The following GALNTL6 variants were observed in gnomAD, a reference collection of about 807,000 sequenced individuals.
GALNTL6 encodes the protein polypeptide N-acetylgalactosaminyltransferase-like 6.
A neutral mutation model predicts 73.7 loss-of-function variants in GALNTL6; 46 were observed. The ratio of observed to expected loss-of-function variants is 0.62; its 90% CI spans 0.49 to 0.80. The LOEUF (loss-of-function observed/expected upper bound fraction) is 0.80, where lower values mean the gene tolerates loss of function less well. GALNTL6 is among the 30% of genes least tolerant of loss of function. GALNTL6 has a pLI of 0.00. For missense variants in GALNTL6, 604 were observed against 755.0 expected, an observed-to-expected ratio of 0.80 and a Z score of 2.34; for synonymous variants, 259 against 263.7, an observed-to-expected ratio of 0.98 and a Z score of 0.17.
intron 2 of GALNTL6, among the ~76,000 whole-genome samples, chr4:171,872,196 T>TGA (rs1441602915): frequency 6.6e-6 from 1 of 152,206 alleles, no homozygotes; most frequent in Non-Finnish European, 1.5e-5. Flanking sequence ...TCTTGCCAAA[T>TGA]GAGATCATTC....
intron 2 of GALNTL6, among the ~76,000 whole-genome samples, chr4:172,011,557 C>T (rs988314097): frequency 6.6e-6 from 1 of 151,964 alleles, no homozygotes; most frequent in Admixed American, 6.6e-5. Flanking sequence ...TTGAGATGGA[C>T]AGAGATTTTT....
chr4:172,731,859 CT>C, intron 5 of GALNTL6, among the ~76,000 whole-genome samples: 1 of 152,082 alleles, frequency 6.6e-6, no homozygotes, highest in South Asian at 2.1e-4. Context: ...CAGGGTTCAT[CT>C]TGTTTTTTAT....
At chr4:172,304,577 A>C in intron 3 of GALNTL6, among the ~76,000 whole-genome samples, 1 of 152,200 alleles carries the variant, frequency 6.6e-6, no homozygotes, top group East Asian at 1.9e-4. Flanking sequence ...ATTGCTCAAA[A>C]TTCCTCAGAA....
At chr4:171,920,815 T>G (rs1452624433) in intron 2 of GALNTL6, among the ~76,000 whole-genome samples, 1 of 152,106 alleles carries the variant, frequency 6.6e-6, no homozygotes, top group Non-Finnish European at 1.5e-5. Flanking sequence ...TATAAAACAG[T>G]GTACACATAT....
chr4:172,483,862 G>T (rs1263937968), intron 5 of GALNTL6, among the ~76,000 whole-genome samples: 1 of 152,110 alleles, frequency 6.6e-6, no homozygotes, highest in Admixed American at 6.6e-5. Context: ...AGACTAGAAA[G>T]GTGGATGAAA....
At position 173,017,298 on chromosome 4, in the gene GALNTL6, G is replaced by A. The variant is rs372285369; in HGVS notation, c.1489-4178G>A. Among the ~76,000 whole-genome samples, 4 of 152,310 alleles carry A rather than the reference G, an allele frequency of 2.6e-5. No homozygotes were observed. The East Asian group carries it at 5.8e-4, about 22-fold the overall frequency. ...CTTTAACACTGAGGAATTTAAGGTTGAAAAGAAATCAAGGGTTATTGTACA... is the reference window on the plus strand; with the variant it reads ...CTTTAACACTGAGGAATTTAAGGTTAAAAAGAAATCAAGGGTTATTGTACA... On this transcript the variant is annotated intron_variant, in intron 11 of 12. Coordinates refer to ENST00000506823, the MANE Select transcript of GALNTL6 (RefSeq NM_001034845.3).
intron 5 of GALNTL6, among the ~76,000 whole-genome samples, chr4:172,677,738 C>A (rs1003450203): frequency 2.0e-5 from 3 of 151,572 alleles, no homozygotes; most frequent in Middle Eastern, 3.2e-3. Flanking sequence ...GCCTAGATAG[C>A]AGAGTGAGAC....
At chr4:172,317,736 A>G (rs1420538209) in intron 4 of GALNTL6, among the ~76,000 whole-genome samples, 2 of 152,186 alleles carry the variant, frequency 1.3e-5, no homozygotes, top group African/African-American at 2.4e-5. Flanking sequence ...TTTGAGTTTA[A>G]CCGTCCAAAA....
chr4:172,967,419 T>A (rs1171432420), intron 10 of GALNTL6, among the ~76,000 whole-genome samples: 1 of 152,078 alleles, frequency 6.6e-6, no homozygotes, highest in Non-Finnish European at 1.5e-5. Context: ...GAAGGACAAA[T>A]CAGCTTTTTC....
At chr4:172,590,737 G>T (rs1454954752) in intron 5 of GALNTL6, among the ~76,000 whole-genome samples, 1 of 152,140 alleles carries the variant, frequency 6.6e-6, no homozygotes, top group African/African-American at 2.4e-5. Flanking sequence ...GCCTGGAAAT[G>T]TGGCTTCTGA....
rs780016007 is a variant in GALNTL6 at position 172,197,081 on chromosome 4, T to C, written c.139-32575T>C. 2.2e-4 allele frequency among the ~76,000 whole-genome samples: 33 copies of C among 152,218 alleles called. No homozygotes were observed. In the Middle Eastern group the frequency reaches 0.014, roughly 63 times the overall value. On this transcript the variant is annotated intron_variant, in intron 2 of 12. Transcript: ENST00000506823. ...AAAGCTTCTTAAGCTGATAAGCAAC[T>C]TCATCAAAGTCTTAGGATACAAAAT...
chr4:172,302,544 T>TCC (rs1739971804), intron 3 of GALNTL6, among the ~76,000 whole-genome samples: 1 of 152,150 alleles, frequency 6.6e-6, no homozygotes, highest in Non-Finnish European at 1.5e-5. Flanking sequence ...TAAGGATTTC[T>TCC]CCACCTATCC....
chr4:173,017,981 A>T (rs190733010), intron 11 of GALNTL6, among the ~76,000 whole-genome samples: 1 of 152,336 alleles, frequency 6.6e-6, no homozygotes, highest in East Asian at 1.9e-4. Context: ...CATTTTCTGC[A>T]GGCCTGATTT....
chr4:172,735,232 C>T (rs1258438058), intron 5 of GALNTL6, among the ~76,000 whole-genome samples: 1 of 152,174 alleles, frequency 6.6e-6, no homozygotes, highest in East Asian at 1.9e-4. Flanking sequence ...CCCTGCAAAG[C>T]CACAGGGGCA....
At chr4:172,403,692 T>A in intron 5 of GALNTL6, among the ~76,000 whole-genome samples, 1 of 152,028 alleles carries the variant, frequency 6.6e-6, no homozygotes, top group East Asian at 1.9e-4. Flanking sequence ...CATATATTAC[T>A]TTTTTTAAGT....
intron 4 of GALNTL6, among the ~76,000 whole-genome samples, chr4:172,346,988 CTTTTTTTTTTTT>C (rs34332250): frequency 4.4e-5 from 5 of 114,398 alleles, no homozygotes; most frequent in African/African-American, 1.7e-4. Flanking sequence ...TGTTTTCTTT[CTTTTTTTTTTTT>C]TTTTTTTGAG....
chr4:172,471,318 T>A (rs1390374819), intron 5 of GALNTL6, among the ~76,000 whole-genome samples: 1 of 152,250 alleles, frequency 6.6e-6, no homozygotes, highest in Admixed American at 6.5e-5. Flanking sequence ...TAAGTGTTAG[T>A]ATTTTATTGC....
At chr4:172,154,555 T>A (rs1232936695) in intron 2 of GALNTL6, among the ~76,000 whole-genome samples, 1 of 152,204 alleles carries the variant, frequency 6.6e-6, no homozygotes, top group African/African-American at 2.4e-5. Flanking sequence ...CTATTTTTTA[T>A]ACTATCTTTT....
chr4:172,646,711 A>G lies in GALNTL6; in HGVS notation c.554-162650A>G, dbSNP rs1372894851. On this transcript the variant is annotated intron_variant, in intron 5 of 12. Coordinates refer to ENST00000506823, the MANE Select transcript of GALNTL6 (RefSeq NM_001034845.3). ...ATAAAGACTTTCAAATATCAGAACA[A>G]CTATTCTTTTGGAATAGAAAGAAAT... Among the ~76,000 whole-genome samples, 3 of 152,022 alleles carry G rather than the reference A, an allele frequency of 2.0e-5. No individual in the cohort carries two copies. In the East Asian group the frequency reaches 5.8e-4, roughly 29 times the overall value.
Sources: allele counts gnomAD v4.1 joint callset (sites outside exome capture counted in the v4.1 genomes callset), GRCh38; gene constraint gnomAD v4.1.1; transcripts MANE v1.5; gene names NCBI Gene and HGNC (gene_info 2026-07-23, HGNC 2026-07-21).